ECPAS: variants seen among roughly 807,000 people sequenced by gnomAD.
ECPAS encodes Ecm29 proteasome adaptor and scaffold.
A neutral mutation model predicts 255.1 loss-of-function variants in ECPAS; 70 were observed. That is an observed-to-expected ratio of 0.27 (90% CI 0.23 to 0.33). The LOEUF is 0.33. Among genes scored for constraint, ECPAS ranks in the 10% least tolerant of loss-of-function variants. The pLI is 1.00. For synonymous variants in ECPAS, 784 were observed against 775.0 expected (o/e 1.01, Z -0.19); for missense variants, 1,817 against 2,206.4 (o/e 0.82, Z 3.54).
At chr9:111,462,788 G>A (rs529196892) in intron 2 of ECPAS, among the ~76,000 whole-genome samples, 1 of 142,718 alleles carries the variant, frequency 7.0e-6, no homozygotes, top group East Asian at 2.0e-4. Flanking sequence ...TGTCACCAAG[G>A]CTGGAGTGCA....
intron 6 of ECPAS, among the ~76,000 whole-genome samples, chr9:111,439,460 G>C (rs1431283748): frequency 1.3e-5 from 2 of 152,052 alleles, no homozygotes; most frequent in Admixed American, 6.6e-5. Context: ...GTAGAAATAG[G>C]ATTTTGCCAT....
chr9:111,411,704 G>A (rs1315978055), intron 21 of ECPAS: 1 of 229,340 alleles, frequency 4.4e-6, no homozygotes, highest in African/African-American at 2.3e-5. Flanking sequence ...TCCAAGATCA[G>A]ATGAGATTAG....
intron 37 of ECPAS, 118 bp downstream of exon 37, chr9:111,376,357 CA>C: frequency 1.1e-5 from 8 of 751,010 alleles, no homozygotes; most frequent in Non-Finnish European, 1.8e-5. Flanking sequence ...ACTGGAGTCA[CA>C]ACAGCTGCTT....
chr9:111,453,950 A>G (rs2098263669), intron 2 of ECPAS, among the ~76,000 whole-genome samples: 1 of 152,164 alleles, frequency 6.6e-6, no homozygotes, highest in South Asian at 2.1e-4. Flanking sequence ...TAATGAAAAA[A>G]CTGGTAAAAT....
At chr9:111,458,443 G>A (rs1055377425) in intron 2 of ECPAS, among the ~76,000 whole-genome samples, 1 of 152,194 alleles carries the variant, frequency 6.6e-6, no homozygotes, top group African/African-American at 2.4e-5. Context: ...TAACTGAAGT[G>A]CCTTTGTTAT....
At chr9:111,412,420 G>T (rs1004738551) in intron 20 of ECPAS, among the ~76,000 whole-genome samples, 1 of 152,088 alleles carries the variant, frequency 6.6e-6, no homozygotes, top group Non-Finnish European at 1.5e-5. Context: ...AAACAAAAAG[G>T]CTTTATGGGC....
intron 36 of ECPAS, among the ~76,000 whole-genome samples, chr9:111,377,932 G>A (rs1407880923): frequency 6.6e-6 from 1 of 152,088 alleles, no homozygotes; most frequent in East Asian, 1.9e-4. Context: ...GGATCACGAG[G>A]TCAGGAGATC....
intron 37 of ECPAS, among the ~76,000 whole-genome samples, chr9:111,375,788 C>G (rs966938249): frequency 6.6e-5 from 10 of 152,164 alleles, no homozygotes; most frequent in Non-Finnish European, 1.3e-4. Flanking sequence ...CCAGCAGGCA[C>G]TAAAAAATAG....
chr9:111,411,812 G>A (rs2098194937), intron 21 of ECPAS: 2 of 478,706 alleles, frequency 4.2e-6, no homozygotes, highest in Non-Finnish European at 7.3e-6. Context: ...ACCTAAAACA[G>A]TGCTTATCAG....
At chr9:111,382,591 A>G (rs891209216) in intron 35 of ECPAS, among the ~76,000 whole-genome samples, 1 of 152,042 alleles carries the variant, frequency 6.6e-6, no homozygotes, top group Non-Finnish European at 1.5e-5. Flanking sequence ...TAATTGCGTC[A>G]TGCCTTTGCA....
chr9:111,389,590 C>G lies in ECPAS; in HGVS notation c.3413G>C (p.Ser1138Thr), dbSNP rs751435653. The change falls in exon 31 of 50, where the codon AGT (serine) becomes ACT (threonine). Residue 1138 changes from serine to threonine, a missense_variant. Transcript: ENST00000684092. ...GTCAGTGACCAACGCATTCCAAATA[C>G]TTGTCATGGCCTGTCGAATGCCAAG... ...PNLGIRQAMT[S>T]IWNALVTDKS... 13 of 1,613,576 alleles carry G rather than the reference C, an allele frequency of 8.1e-6. No individual in the cohort carries two copies. The African/African-American group carries it at 1.6e-4, about 20-fold the overall frequency.
chr9:111,442,241 T>A, intron 5 of ECPAS, 65 bp downstream of exon 5: 1 of 1,032,346 alleles, frequency 9.7e-7, no homozygotes, highest in East Asian at 2.6e-5. Flanking sequence ...AATATGTGAA[T>A]TAATATTTGA....
intron 45 of ECPAS, 61 bp from the exon 46 acceptor site, chr9:111,369,234 A>AT (rs1443437664): frequency 7.7e-7 from 1 of 1,300,806 alleles, no homozygotes; most frequent in Non-Finnish European, 1.0e-6. Context: ...CAGGTATACT[A>AT]TTAAAGCTAT....
chr9:111,441,303 A>G (rs528839697), intron 5 of ECPAS, among the ~76,000 whole-genome samples: 22 of 152,266 alleles, frequency 1.4e-4, no homozygotes, highest in Non-Finnish European at 2.4e-4. Context: ...CAGGAGTTCA[A>G]GACCAGCCTG....
rs779772437 is a variant in ECPAS, at chr9:111,421,934, G to A, written c.1442C>T (p.Ser481Leu). The A allele has an allele frequency of 1.9e-6, 3 of 1,613,324 alleles. No homozygotes were observed. Among genetic ancestry groups the A allele is most frequent in the African/African-American group, 1.3e-5 (1 of 74,862 alleles). Residue 481 changes from serine (S) to leucine (L), a missense_variant, in exon 15 of 50, where the codon TCG (serine) becomes TTG (leucine). Ser to Leu is a moderately radical substitution (Grantham distance 145, BLOSUM62 -2). Coordinates refer to ENST00000684092, the MANE Select transcript of ECPAS (RefSeq NM_001364929.1). ...QRTLMEALVASYLIKPEVQVR... is the reference protein window; with the variant it reads ...QRTLMEALVALYLIKPEVQVR... ...ACACGGACCTACCTTTATTAAGTACGAAGCCACAAGTGCCTCCATGAGAGT... is the reference window on the plus strand; with the variant it reads ...ACACGGACCTACCTTTATTAAGTACAAAGCCACAAGTGCCTCCATGAGAGT...
intron 10 of ECPAS, among the ~76,000 whole-genome samples, chr9:111,426,752 AG>A (rs1589182210): frequency 6.6e-6 from 1 of 151,512 alleles, no homozygotes; most frequent in East Asian, 1.9e-4. Context: ...AGATCACTTG[AG>A]CCCAGGAGTT....
intron 1 of ECPAS, among the ~76,000 whole-genome samples, chr9:111,480,292 CTTTTTTTTT>C (rs398011866): frequency 7.9e-5 from 5 of 63,636 alleles, no homozygotes; most frequent in Admixed American, 2.4e-4. Context: ...AGCACCTTTT[CTTTTTTTTT>C]TTTTTTTTTT....
In ECPAS at chr9:111,378,337, T is replaced by C. The variant is rs1347455725; in HGVS notation, c.3954+243A>G. Among the ~76,000 whole-genome samples, 5 of 152,172 alleles carry C rather than the reference T, an allele frequency of 3.3e-5. No individual in the cohort carries two copies. In the East Asian group the frequency reaches 9.7e-4, roughly 29 times the overall value. On this transcript the variant is annotated intron_variant, in intron 36 of 49. Coordinates refer to ENST00000684092, the MANE Select transcript of ECPAS (RefSeq NM_001364929.1). ...TCCAAGCCCTAACAAAATTGAAATA[T>C]ACAAAAAACTATGTTAAACAAATGT... is the stretch of plus-strand genomic sequence containing the variant.
At chr9:111,441,981 G>A (rs776465724) in intron 5 of ECPAS, among the ~76,000 whole-genome samples, 16 of 152,150 alleles carry the variant, frequency 1.1e-4, no homozygotes, top group Non-Finnish European at 2.1e-4. Context: ...TATCTTCCAA[G>A]ATAGAATTGT....
Sources: allele counts gnomAD v4.1 joint callset (sites outside exome capture counted in the v4.1 genomes callset), GRCh38; gene constraint gnomAD v4.1.1; transcripts MANE v1.5; gene names NCBI Gene and HGNC (gene_info 2026-07-23, HGNC 2026-07-21).